TMEM51: variants seen among roughly 807,000 people sequenced by gnomAD.
TMEM51 encodes the protein transmembrane protein 51.
TMEM51 carries 8 observed loss-of-function variants against 13.6 expected under a neutral mutation model. The ratio of observed to expected loss-of-function variants is 0.59; its 90% confidence interval spans 0.35 to 1.07. The LOEUF is 1.07. Ranked by LOEUF, TMEM51 falls within the 50% of genes least tolerant of loss-of-function variation. TMEM51 has a pLI of 0.02. For missense variants in TMEM51, 279 were observed against 330.7 expected (o/e 0.84, Z 1.21); for synonymous variants, 147 against 144.4 (o/e 1.02, Z -0.13).
At chr1:15,192,169 C>T (rs970918565) in intron 1 of TMEM51, 6 of 403,274 alleles carry the variant, frequency 1.5e-5, no homozygotes, top group Non-Finnish European at 3.0e-5. Context: ...CCTCTTTAGT[C>T]TGCCGGCTGC....
chr1:15,208,577 G>C (rs559379207), intron 1 of TMEM51, among the ~76,000 whole-genome samples: 16 of 152,270 alleles, frequency 1.1e-4, no homozygotes, highest in African/African-American at 3.4e-4. Context: ...GCTGCAGTGA[G>C]CTATGGGTGA....
Position 15,171,160 on chromosome 1 carries a change from C to T in TMEM51, c.-267+17206C>T, listed in dbSNP as rs1209279845. On this transcript the variant is annotated intron_variant, in intron 1 of 3. Coordinates refer to ENST00000376008, the MANE Select transcript of TMEM51 (RefSeq NM_001136218.2). ...CTGATTCAGTAGGTCTGAGTGGGGC[C>T]CCAGGATTTGCATTTCTAACCAGCT... 6 of 1,301,688 alleles carry T rather than the reference C, an allele frequency of 4.6e-6. No homozygotes were observed. In the East Asian group the frequency reaches 1.7e-4, roughly 36 times the overall value. The allele number at this position is 1,301,688 out of a possible 1,614,324, so 80.6% of individuals were successfully genotyped here.
chr1:15,219,858 C>A lies in TMEM51; in HGVS notation c.*115C>A. On this transcript the variant is annotated 3_prime_UTR_variant, in exon 4 of 4. Transcript: ENST00000376008. ...CGGAGGGGCCAGCTGTGCATGGAGC[C>A]ATTTGGATGGCGGCGGGCGGGGGGG... is the stretch of plus-strand genomic sequence containing the variant. 1 of 1,232,436 alleles carries A rather than the reference C, an allele frequency of 8.1e-7. No individual in the cohort carries two copies. The highest frequency in any genetic ancestry group is 1.1e-6 in the Non-Finnish European group (1 of 892,082). 76.3% of individuals were successfully genotyped at this position (1,232,436 alleles called of 1,614,324 possible). A position where few individuals can be genotyped will look rare whatever the true frequency, so the allele number is the denominator to read the frequency against.
intron 1 of TMEM51, chr1:15,168,741 G>A (rs1430270850): frequency 3.1e-6 from 4 of 1,304,454 alleles, no homozygotes; most frequent in Non-Finnish European, 4.0e-6. Flanking sequence ...TCACAGAAAG[G>A]AGCAGACAAA....
intron 1 of TMEM51, chr1:15,164,483 C>G (rs1642914666): frequency 2.2e-6 from 1 of 455,976 alleles, no homozygotes; most frequent in Non-Finnish European, 4.4e-6. Flanking sequence ...AAGTGTGCTT[C>G]TCACTGAATC....
intron 1 of TMEM51, among the ~76,000 whole-genome samples, chr1:15,167,326 CAAAAAAAAA>C (rs555274126): frequency 0.034 from 2,329 of 69,266 alleles, 63 homozygotes; most frequent in African/African-American, 0.11. Context: ...GACTCCATCT[CAAAAAAAAA>C]AAAAAAAAAA....
intron 2 of TMEM51, among the ~76,000 whole-genome samples, chr1:15,212,594 G>A (rs192142281): frequency 4.9e-4 from 74 of 152,240 alleles, no homozygotes; most frequent in South Asian, 2.1e-4. Flanking sequence ...TCCACCCTCC[G>A]AGTCTGACCT....
chr1:15,198,697 C>T (rs1466505602), intron 1 of TMEM51, among the ~76,000 whole-genome samples: 1 of 152,218 alleles, frequency 6.6e-6, no homozygotes, highest in African/African-American at 2.4e-5. Flanking sequence ...GGATCACAGG[C>T]GTGAGCCACC....
At chr1:15,191,524 C>A (rs1236124652) in intron 1 of TMEM51, among the ~76,000 whole-genome samples, 1 of 152,208 alleles carries the variant, frequency 6.6e-6, no homozygotes, top group African/African-American at 2.4e-5. Flanking sequence ...GAGGCCCCTG[C>A]TGGGAAGGGC....
chr1:15,202,776 C>A (rs1212777503), intron 1 of TMEM51, among the ~76,000 whole-genome samples: 2 of 152,138 alleles, frequency 1.3e-5, no homozygotes, highest in Non-Finnish European at 2.9e-5. Flanking sequence ...CTAGAAGTTA[C>A]AAATTTTGAT....
chr1:15,171,448 G>A, intron 1 of TMEM51: 1 of 756,166 alleles, frequency 1.3e-6, no homozygotes, highest in Non-Finnish European at 1.8e-6. Context: ...GCAAACTGGT[G>A]GAGAAGTCTA....
At chr1:15,177,586 T>C (rs1052249881) in intron 1 of TMEM51, among the ~76,000 whole-genome samples, 2 of 152,204 alleles carry the variant, frequency 1.3e-5, no homozygotes, top group Non-Finnish European at 2.9e-5. Flanking sequence ...GGGGGGGGCC[T>C]GTCCCTGTGG....
intron 1 of TMEM51, among the ~76,000 whole-genome samples, chr1:15,200,521 CCTCAGAAGGAACCAACCTTG>C (rs1298833954): frequency 1.3e-4 from 19 of 151,760 alleles, no homozygotes; most frequent in African/African-American, 3.4e-4. Context: ...CAGAGAGAGG[CCTCAGAAGGAACCAACCTTG>C]CTCAGAAGGA....
rs910407951 is a variant in TMEM51 at position 15,178,191 on chromosome 1, G to A, written c.-267+24237G>A. On this transcript the variant is annotated intron_variant, in intron 1 of 3. Coordinates refer to ENST00000376008, the MANE Select transcript of TMEM51 (RefSeq NM_001136218.2). ...GCTGGAGTCTTGCTAGGTGAGCAGG[G>A]GTGGAAGAGGGATTCCCTGGGGCAG... 2.0e-5 allele frequency among the ~76,000 whole-genome samples: 3 copies of A among 152,352 alleles called. No individual in the cohort carries two copies. The South Asian group carries it at 6.2e-4, about 32-fold the overall frequency.
chr1:15,168,851 C>A (rs989790531), intron 1 of TMEM51: 47 of 1,227,938 alleles, frequency 3.8e-5, no homozygotes, highest in Middle Eastern at 3.5e-4. Flanking sequence ...ATAAAAGTTA[C>A]AGATATTTGG....
intron 1 of TMEM51, among the ~76,000 whole-genome samples, chr1:15,171,726 G>A (rs1428983836): frequency 1.3e-5 from 2 of 152,178 alleles, no homozygotes; most frequent in African/African-American, 4.8e-5. Context: ...CAGAGAAGGG[G>A]ATTCTGGGAA....
chr1:15,216,966 T>C (rs988529192), intron 3 of TMEM51, among the ~76,000 whole-genome samples: 1 of 152,222 alleles, frequency 6.6e-6, no homozygotes, highest in African/African-American at 2.4e-5. Flanking sequence ...GTTTTTCTTT[T>C]CTTCATTAGA....
intron 2 of TMEM51, among the ~76,000 whole-genome samples, chr1:15,213,968 A>G (rs890459771): frequency 6.6e-6 from 1 of 151,176 alleles, no homozygotes; most frequent in Admixed American, 6.6e-5. Flanking sequence ...CAGCCTCCCA[A>G]ATAGTTGGGA....
intron 1 of TMEM51, among the ~76,000 whole-genome samples, chr1:15,174,202 C>G (rs1385383696): frequency 6.6e-6 from 1 of 152,148 alleles, no homozygotes; most frequent in Non-Finnish European, 1.5e-5. Flanking sequence ...GGGTTCTGTG[C>G]CTTAGACACA....
Sources: gnomAD v4.1 joint callset for allele counts (sites outside exome capture counted in the v4.1 genomes callset) on GRCh38, gnomAD v4.1.1 for gene constraint, MANE v1.5 for transcripts, NCBI Gene and HGNC (gene_info 2026-07-23, HGNC 2026-07-21) for gene names.